Variants in GPC6 observed in about 807,000 individuals in gnomAD.
The protein encoded by GPC6 is glypican-6.
GPC6 carries 14 observed loss-of-function variants against 55.2 expected under a neutral mutation model. The observed-to-expected ratio is 0.25, with a 90% CI of 0.17 to 0.40. The LOEUF is 0.40. Ranked by LOEUF, GPC6 falls within the 10% of genes least tolerant of loss-of-function variation. The pLI is 1.00. For synonymous variants in GPC6, 278 were observed against 259.6 expected (o/e 1.07, Z -0.68); for missense variants, 641 against 708.5 (o/e 0.90, Z 1.08).
chr13:93,936,882 A>G (rs1878462600), intron 3 of GPC6, among the ~76,000 whole-genome samples: 1 of 152,218 alleles, frequency 6.6e-6, no homozygotes, highest in Non-Finnish European at 1.5e-5. Flanking sequence ...GATGTATGTT[A>G]TGGCCTCCTA....
At chr13:93,814,443 C>T (rs949876257) in intron 2 of GPC6, among the ~76,000 whole-genome samples, 2 of 152,124 alleles carry the variant, frequency 1.3e-5, no homozygotes, top group Non-Finnish European at 2.9e-5. Flanking sequence ...ACATGGTCAG[C>T]CTTGATTTGT....
intron 1 of GPC6, among the ~76,000 whole-genome samples, chr13:93,474,203 T>A (rs1879224630): frequency 6.6e-6 from 1 of 152,202 alleles, no homozygotes; most frequent in Non-Finnish European, 1.5e-5. Context: ...TGATGTCAGA[T>A]AAGTTTTCAA....
Position 93,383,355 on chromosome 13 carries a change from G to T in GPC6, c.160+155739G>T, listed in dbSNP as rs1025758029. On this transcript the variant is annotated intron_variant, in intron 1 of 8. Transcript: ENST00000377047. The stretch of plus-strand genomic sequence containing the variant: ...GTCTCCGGAGTAGCTGGGACAGCAG[G>T]TGTGCACCACCACACCCAGCTCATT... Among the ~76,000 whole-genome samples the T allele has an allele frequency of 6.7e-4, 102 of 152,122 alleles. 3 individuals are homozygous for T. The highest frequency in any genetic ancestry group is 3.3e-4 in the Admixed American group (5 of 15,266).
At chr13:93,434,107 A>G (rs59402019) in intron 1 of GPC6, among the ~76,000 whole-genome samples, 5,362 of 152,280 alleles carry the variant, frequency 0.035, 316 homozygotes, top group African/African-American at 0.12. Context: ...TCTGGCATCC[A>G]GGGACTGCTT....
chr13:93,647,166 A>C (rs1413170389), intron 2 of GPC6, among the ~76,000 whole-genome samples: 1 of 152,174 alleles, frequency 6.6e-6, no homozygotes, highest in East Asian at 1.9e-4. Flanking sequence ...ATACAAATAT[A>C]TGCAAATTTA....
intron 8 of GPC6, 96 bp from the exon 9 acceptor site, chr13:94,402,919 A>AT (rs1404381538): frequency 1.1e-6 from 1 of 915,068 alleles, no homozygotes; most frequent in African/African-American, 1.6e-5. Flanking sequence ...ACAGGTGGGG[A>AT]TTATGGGGAT....
At chr13:94,094,974 A>T (rs141056969) in intron 4 of GPC6, among the ~76,000 whole-genome samples, 1 of 152,240 alleles carries the variant, frequency 6.6e-6, no homozygotes, top group African/African-American at 2.4e-5. Context: ...GGCTATATGA[A>T]ATATAAATTT....
At chr13:94,308,045 C>G (rs1244933028) in intron 6 of GPC6, among the ~76,000 whole-genome samples, 2 of 152,060 alleles carry the variant, frequency 1.3e-5, no homozygotes, top group Non-Finnish European at 2.9e-5. Flanking sequence ...AGTATCCTTA[C>G]CACAATAAAA....
intron 4 of GPC6, among the ~76,000 whole-genome samples, chr13:94,043,519 A>G (rs901462852): frequency 1.3e-5 from 2 of 151,894 alleles, no homozygotes; most frequent in Non-Finnish European, 1.5e-5. Flanking sequence ...TAACATTGCT[A>G]TAATACTATT....
At chr13:93,232,238 G>A (rs1330017346) in intron 1 of GPC6, among the ~76,000 whole-genome samples, 1 of 151,960 alleles carries the variant, frequency 6.6e-6, no homozygotes, top group African/African-American at 2.4e-5. Flanking sequence ...TATCTGCCTG[G>A]TTCAAAGATT....
chr13:94,110,644 A>C (rs557379603), intron 4 of GPC6, among the ~76,000 whole-genome samples: 3 of 152,130 alleles, frequency 2.0e-5, no homozygotes, highest in Non-Finnish European at 4.4e-5. Flanking sequence ...GGAAGGCTGG[A>C]GTCAAAGAAA....
intron 4 of GPC6, among the ~76,000 whole-genome samples, chr13:94,195,648 C>T (rs538090624): frequency 1.3e-5 from 2 of 152,258 alleles, no homozygotes; most frequent in African/African-American, 4.8e-5. Flanking sequence ...TGAGATAATG[C>T]AAATAAAGAA....
chr13:93,437,797 C>A (rs1182639748), intron 1 of GPC6, among the ~76,000 whole-genome samples: 4 of 152,136 alleles, frequency 2.6e-5, no homozygotes, highest in African/African-American at 9.7e-5. Context: ...CTACACTAAA[C>A]AACAGATTTT....
intron 2 of GPC6, among the ~76,000 whole-genome samples, chr13:93,710,571 T>G (rs1236330067): frequency 6.6e-6 from 1 of 151,808 alleles, no homozygotes; most frequent in African/African-American, 2.4e-5. Flanking sequence ...CTATTAGGAA[T>G]CGTTATCTGT....
chr13:94,164,980 G>C (rs561338462), intron 4 of GPC6, among the ~76,000 whole-genome samples: 54 of 151,542 alleles, frequency 3.6e-4, no homozygotes, highest in Non-Finnish European at 5.1e-4. Context: ...CTATGGAACA[G>C]AGTGTGGAGA....
intron 6 of GPC6, among the ~76,000 whole-genome samples, chr13:94,326,854 C>T (rs577249349): frequency 3.3e-5 from 5 of 152,324 alleles, no homozygotes; most frequent in East Asian, 3.9e-4. Context: ...CTTGCAAACA[C>T]GGGCACTCTG....
chr13:93,449,231 AG>A (rs1194058443), intron 1 of GPC6, among the ~76,000 whole-genome samples: 1 of 143,768 alleles, frequency 7.0e-6, no homozygotes, highest in Non-Finnish European at 1.6e-5. Context: ...ATGAAGTATA[AG>A]GAAAGACTAG....
In GPC6 at chr13:93,873,712, C is replaced by T. The variant is rs76125324; in HGVS notation, c.711+43167C>T. 1.2e-3 allele frequency among the ~76,000 whole-genome samples: 184 copies of T among 151,990 alleles called. 1 individual carries two copies. The highest frequency in any genetic ancestry group is 3.9e-3 in the African/African-American group (162 of 41,504). On this transcript the variant is annotated intron_variant, in intron 3 of 8. Transcript: ENST00000377047. ...TATTTCACTAGCATAATGAATACAA[C>T]GTATTATTATAAACCAGAGTCTATC...
intron 3 of GPC6, among the ~76,000 whole-genome samples, chr13:93,950,124 T>C (rs1594613748): frequency 6.6e-6 from 1 of 152,234 alleles, no homozygotes; most frequent in East Asian, 1.9e-4. Flanking sequence ...TTAATGCCAT[T>C]GAATTGTACA....
Sources: gnomAD v4.1 joint callset for allele counts (sites outside exome capture counted in the v4.1 genomes callset) on GRCh38, gnomAD v4.1.1 for gene constraint, MANE v1.5 for transcripts, NCBI Gene and HGNC (gene_info 2026-07-23, HGNC 2026-07-21) for gene names.